Variants in RASAL2 observed in about 807,000 individuals in gnomAD.
The protein encoded by RASAL2 is ras GTPase-activating protein nGAP.
In RASAL2, 58 loss-of-function variants were observed where a neutral mutation model predicts 128.9. The ratio of observed to expected loss-of-function variants is 0.45; its 90% confidence interval spans 0.36 to 0.56. The LOEUF (loss-of-function observed/expected upper bound fraction) is 0.56, where lower values mean the gene tolerates loss of function less well. Among genes scored for constraint, RASAL2 ranks in the 20% least tolerant of loss-of-function variants. The pLI is 0.00. For missense variants in RASAL2, 1,360 were observed against 1,601.6 expected, an observed-to-expected ratio of 0.85 and a Z score of 2.57; for synonymous variants, 561 against 580.8, an observed-to-expected ratio of 0.97 and a Z score of 0.49.
intron 3 of RASAL2, among the ~76,000 whole-genome samples, chr1:178,382,797 T>C (rs1029580037): frequency 6.6e-6 from 1 of 152,220 alleles, no homozygotes; most frequent in Non-Finnish European, 1.5e-5. Context: ...TTGATGTTTG[T>C]ACTTGTCGTT....
chr1:178,124,170 A>G (rs1481024371), intron 1 of RASAL2, among the ~76,000 whole-genome samples: 1 of 152,180 alleles, frequency 6.6e-6, no homozygotes, highest in Non-Finnish European at 1.5e-5. Flanking sequence ...AGTGGTAGCT[A>G]ATTTTTATTA....
chr1:178,321,334 C>A (rs1458976373), intron 3 of RASAL2, among the ~76,000 whole-genome samples: 1 of 152,136 alleles, frequency 6.6e-6, no homozygotes, highest in Non-Finnish European at 1.5e-5. Context: ...GATCCACCCA[C>A]CTCGGCCTCC....
At chr1:178,400,616 T>TA (rs35286329) in intron 4 of RASAL2, among the ~76,000 whole-genome samples, 1 of 152,192 alleles carries the variant, frequency 6.6e-6, no homozygotes, top group Non-Finnish European at 1.5e-5. Flanking sequence ...TTTGATATTT[T>TA]AAAAAAATTT....
intron 1 of RASAL2, among the ~76,000 whole-genome samples, chr1:178,147,479 C>CAAA (rs71297899): frequency 1.2e-4 from 10 of 82,958 alleles, no homozygotes; most frequent in African/African-American, 3.4e-4. Flanking sequence ...GACTCCGTCT[C>CAAA]AAAAAAAAAA....
At chr1:178,282,504 C>A (rs1282165520) in intron 1 of RASAL2, among the ~76,000 whole-genome samples, 1 of 152,012 alleles carries the variant, frequency 6.6e-6, no homozygotes, top group East Asian at 1.9e-4. Flanking sequence ...CAAGCCAGTG[C>A]CAGTAATATA....
chr1:178,131,427 C>T (rs953915876), intron 1 of RASAL2, among the ~76,000 whole-genome samples: 1 of 112,550 alleles, frequency 8.9e-6, no homozygotes, highest in African/African-American at 3.7e-5. Context: ...GTATTTGTTG[C>T]CGAGGCTGGT....
At chr1:178,139,861 T>A (rs904373115) in intron 1 of RASAL2, among the ~76,000 whole-genome samples, 1 of 152,118 alleles carries the variant, frequency 6.6e-6, no homozygotes, top group Non-Finnish European at 1.5e-5. Context: ...CAGGGTACCT[T>A]TTAATGAGCT....
chr1:178,326,329 A>G (rs944211307), intron 3 of RASAL2, among the ~76,000 whole-genome samples: 7 of 152,140 alleles, frequency 4.6e-5, no homozygotes, highest in South Asian at 2.1e-4. Flanking sequence ...GCAGAAATCT[A>G]CCTCCCTCAT....
chr1:178,103,226 C>G (rs568732320), intron 1 of RASAL2, among the ~76,000 whole-genome samples: 1 of 150,638 alleles, frequency 6.6e-6, no homozygotes, highest in African/African-American at 2.4e-5. Flanking sequence ...GATATATTTT[C>G]CTTTCATTTT....
chr1:178,154,467 G>A (rs1661016000), intron 1 of RASAL2, among the ~76,000 whole-genome samples: 1 of 151,998 alleles, frequency 6.6e-6, no homozygotes, highest in East Asian at 1.9e-4. Flanking sequence ...ATTTTTTAAG[G>A]ATCTGCCAGA....
At chr1:178,180,252 T>C (rs962255639) in intron 1 of RASAL2, among the ~76,000 whole-genome samples, 1 of 152,088 alleles carries the variant, frequency 6.6e-6, no homozygotes, top group East Asian at 1.9e-4. Context: ...ATAGTCACAG[T>C]TGAGCTAAGT....
intron 2 of RASAL2, among the ~76,000 whole-genome samples, chr1:178,296,820 G>A (rs965964675): frequency 1.3e-5 from 2 of 151,808 alleles, no homozygotes; most frequent in Non-Finnish European, 2.9e-5. Flanking sequence ...TTACAGGCAT[G>A]CCCCACCATG....
intron 1 of RASAL2, among the ~76,000 whole-genome samples, chr1:178,104,947 A>G (rs1008396759): frequency 1.3e-5 from 2 of 152,210 alleles, no homozygotes; most frequent in Non-Finnish European, 2.9e-5. Flanking sequence ...TGATGCAGAC[A>G]TATGTTTTAG....
intron 2 of RASAL2, among the ~76,000 whole-genome samples, chr1:178,297,645 C>T (rs1667578519): frequency 1.3e-5 from 2 of 148,530 alleles, no homozygotes; most frequent in Non-Finnish European, 3.0e-5. Context: ...AAATGCAATT[C>T]AGAATAAAGG....
At chr1:178,333,509 A>C (rs1669442192) in intron 3 of RASAL2, among the ~76,000 whole-genome samples, 1 of 149,692 alleles carries the variant, frequency 6.7e-6, no homozygotes, top group African/African-American at 2.6e-5. Context: ...AGTTATTTAT[A>C]TCCTATTGCT....
At chr1:178,114,342 A>G (rs993280354) in intron 1 of RASAL2, among the ~76,000 whole-genome samples, 6 of 152,146 alleles carry the variant, frequency 3.9e-5, no homozygotes, top group African/African-American at 1.4e-4. Flanking sequence ...TAAAAAATAC[A>G]GATCTCCTTT....
intron 1 of RASAL2, among the ~76,000 whole-genome samples, chr1:178,265,160 A>G (rs1665886699): frequency 6.6e-6 from 1 of 152,192 alleles, no homozygotes; most frequent in African/African-American, 2.4e-5. Context: ...TGACTATACC[A>G]CTAAATTAGT....
chr1:178,413,017 C>T lies in RASAL2; in HGVS notation c.565-7494C>T, dbSNP rs551538364. Among the ~76,000 whole-genome samples the T allele has an allele frequency of 2.7e-5, 4 of 150,744 alleles. No individual in the cohort carries two copies. The South Asian group carries it at 8.4e-4, about 32-fold the overall frequency. ...CTTTCTCTTTCTTTCTTTCTTTTCTCTTTCTTTCCTTCCTTCCTTCCTTCC... is the reference window on the plus strand; with the variant it reads ...CTTTCTCTTTCTTTCTTTCTTTTCTTTTTCTTTCCTTCCTTCCTTCCTTCC... On this transcript the variant is annotated intron_variant, in intron 4 of 17. Coordinates refer to ENST00000367649, the MANE Select transcript of RASAL2 (RefSeq NM_170692.4).
At chr1:178,112,118 T>G (rs2102248309) in intron 1 of RASAL2, among the ~76,000 whole-genome samples, 1 of 152,354 alleles carries the variant, frequency 6.6e-6, no homozygotes, top group Admixed American at 6.5e-5. Flanking sequence ...ATATGTGATC[T>G]GTAATTATTT....
Sources: gnomAD v4.1 joint callset for allele counts (sites outside exome capture counted in the v4.1 genomes callset) on GRCh38, gnomAD v4.1.1 for gene constraint, MANE v1.5 for transcripts, NCBI Gene and HGNC (gene_info 2026-07-23, HGNC 2026-07-21) for gene names.